Variants in CNTNAP2 observed in about 807,000 individuals in gnomAD.
The protein encoded by CNTNAP2 is contactin associated protein 2, also known as contactin-associated protein-like 2.
A neutral mutation model predicts 155.2 loss-of-function variants in CNTNAP2; 98 were observed. The observed-to-expected ratio is 0.63, with a 90% CI of 0.54 to 0.75. The LOEUF (loss-of-function observed/expected upper bound fraction) is 0.75. Ranked by LOEUF, CNTNAP2 falls within the 30% of genes least tolerant of loss-of-function variation. CNTNAP2 has a pLI of 0.00. For synonymous variants in CNTNAP2, 651 were observed against 631.2 expected, an observed-to-expected ratio of 1.03 and a Z score of -0.47; for missense variants, 1,727 against 1,688.1, an observed-to-expected ratio of 1.02 and a Z score of -0.40.
intron 16 of CNTNAP2, among the ~76,000 whole-genome samples, chr7:148,146,165 G>GA (rs148659240): frequency 3.5e-4 from 52 of 150,604 alleles, no homozygotes; most frequent in Non-Finnish European, 4.9e-4. Flanking sequence ...ATTAGCCCAG[G>GA]AAAAAAAAAT....
intron 14 of CNTNAP2, among the ~76,000 whole-genome samples, chr7:147,977,302 T>C (rs183836259): frequency 1.0e-3 from 159 of 152,300 alleles, no homozygotes; most frequent in African/African-American, 3.6e-3. Flanking sequence ...CCACTCTTCA[T>C]TGTAGATGGA....
intron 8 of CNTNAP2, among the ~76,000 whole-genome samples, chr7:147,271,462 T>G: frequency 6.6e-6 from 1 of 152,160 alleles, no homozygotes. Flanking sequence ...CCAGCCAAAC[T>G]GCACTACACA....
At chr7:146,833,475 A>G (rs139183159) in intron 2 of CNTNAP2, among the ~76,000 whole-genome samples, 1 of 152,174 alleles carries the variant, frequency 6.6e-6, no homozygotes, top group East Asian at 1.9e-4. Flanking sequence ...CCAGTCTGAA[A>G]GTGTACCTTA....
intron 15 of CNTNAP2, among the ~76,000 whole-genome samples, chr7:148,103,490 T>G (rs1033517814): frequency 3.3e-5 from 5 of 152,218 alleles, no homozygotes; most frequent in Non-Finnish European, 7.3e-5. Flanking sequence ...TTATATTTAT[T>G]TTAATTATGT....
intron 18 of CNTNAP2, among the ~76,000 whole-genome samples, chr7:148,191,152 G>A (rs1423029678): frequency 1.3e-5 from 2 of 152,196 alleles, no homozygotes; most frequent in Non-Finnish European, 2.9e-5. Context: ...AATGGGAGAT[G>A]TTTAGGTCGT....
chr7:148,061,386 T>TTCTG (rs1238700736), intron 15 of CNTNAP2, among the ~76,000 whole-genome samples: 1 of 152,002 alleles, frequency 6.6e-6, no homozygotes, highest in East Asian at 1.9e-4. Flanking sequence ...CAGACTGTCA[T>TTCTG]TCTGTCACCC....
chr7:147,838,222 G>T (rs962733639), intron 13 of CNTNAP2, among the ~76,000 whole-genome samples: 1 of 152,076 alleles, frequency 6.6e-6, no homozygotes, highest in African/African-American at 2.4e-5. Flanking sequence ...GGACCCTGGG[G>T]CCACCCCACG....
At chr7:147,523,937 G>A (rs1057447678) in intron 11 of CNTNAP2, among the ~76,000 whole-genome samples, 3 of 152,148 alleles carry the variant, frequency 2.0e-5, no homozygotes, top group Non-Finnish European at 2.9e-5. Flanking sequence ...TAAGCACGGA[G>A]GTCAAACAGT....
intron 17 of CNTNAP2, among the ~76,000 whole-genome samples, chr7:148,156,794 C>G (rs1178118178): frequency 1.3e-5 from 2 of 152,184 alleles, no homozygotes; most frequent in Non-Finnish European, 1.5e-5. Flanking sequence ...GCATCACCAT[C>G]TAATCCACCC....
chr7:146,664,502 G>A (rs1292990604), intron 1 of CNTNAP2, among the ~76,000 whole-genome samples: 4 of 151,860 alleles, frequency 2.6e-5, no homozygotes, highest in Non-Finnish European at 4.4e-5. Context: ...ACTGCATTCC[G>A]GACAAAACTC....
rs571640200 is a variant in CNTNAP2, at chr7:146,551,486, G to T, written c.98-222785G>T. On this transcript the variant is annotated intron_variant, in intron 1 of 23. Coordinates refer to ENST00000361727, the MANE Select transcript of CNTNAP2 (RefSeq NM_014141.6). ...CATGAACTCATCATTTTTTATGGCTGCATAGTATTCCATGGTGTATATGTG... is the reference window on the plus strand; with the variant it reads ...CATGAACTCATCATTTTTTATGGCTTCATAGTATTCCATGGTGTATATGTG... Among the ~76,000 whole-genome samples the T allele has an allele frequency of 2.1e-3, 321 of 152,056 alleles. 2 individuals are homozygous for T. The highest frequency in any genetic ancestry group is 7.4e-3 in the African/African-American group (307 of 41,458).
chr7:146,874,091 CTT>C (rs1562982160), intron 3 of CNTNAP2, among the ~76,000 whole-genome samples: 1 of 151,602 alleles, frequency 6.6e-6, no homozygotes, highest in Non-Finnish European at 1.5e-5. Context: ...GAGGGTTACT[CTT>C]AAATTCTCGG....
chr7:148,211,193 G>A (rs1795542991), intron 18 of CNTNAP2, among the ~76,000 whole-genome samples: 1 of 152,232 alleles, frequency 6.6e-6, no homozygotes, highest in African/African-American at 2.4e-5. Context: ...ACCTGAGGCT[G>A]CAGCTCAGTT....
intron 22 of CNTNAP2, among the ~76,000 whole-genome samples, chr7:148,384,277 C>T (rs1799140260): frequency 1.3e-5 from 2 of 152,072 alleles, no homozygotes; most frequent in African/African-American, 4.8e-5. Flanking sequence ...TTACCTAAAG[C>T]AATATAGAGA....
intron 14 of CNTNAP2, among the ~76,000 whole-genome samples, chr7:147,967,886 T>A (rs936992534): frequency 3.7e-4 from 57 of 152,106 alleles, no homozygotes; most frequent in African/African-American, 1.3e-3. Flanking sequence ...AAAGAAATAA[T>A]AAGCCCCAAT....
intron 8 of CNTNAP2, among the ~76,000 whole-genome samples, chr7:147,237,100 C>G (rs1384713574): frequency 2.5e-5 from 2 of 80,586 alleles, no homozygotes; most frequent in Non-Finnish European, 5.1e-5. Flanking sequence ...GTGTCTTGCT[C>G]TGTTGCCCAG....
At chr7:146,950,500 T>A (rs1797287380) in intron 3 of CNTNAP2, among the ~76,000 whole-genome samples, 1 of 152,142 alleles carries the variant, frequency 6.6e-6, no homozygotes, top group African/African-American at 2.4e-5. Context: ...TGTGTCCGTG[T>A]GTTCTCAGTG....
intron 11 of CNTNAP2, among the ~76,000 whole-genome samples, chr7:147,561,610 C>CT (rs1562997946): frequency 6.6e-6 from 1 of 151,894 alleles, no homozygotes; most frequent in Admixed American, 6.6e-5. Flanking sequence ...AATCTCTTTC[C>CT]TTTTTTTGAG....
chr7:146,858,627 G>C (rs753737815), intron 3 of CNTNAP2, among the ~76,000 whole-genome samples: 1 of 152,150 alleles, frequency 6.6e-6, no homozygotes, highest in Non-Finnish European at 1.5e-5. Context: ...CCAGGAGGTC[G>C]AGGCTGCAGT....
Sources: allele counts gnomAD v4.1 joint callset (sites outside exome capture counted in the v4.1 genomes callset), GRCh38; gene constraint gnomAD v4.1.1; transcripts MANE v1.5; gene names NCBI Gene and HGNC (gene_info 2026-07-23, HGNC 2026-07-21).